Variants in NT5C1B observed in about 807,000 individuals in gnomAD.
The protein encoded by NT5C1B is cytosolic 5'-nucleotidase 1B.
In NT5C1B, 44 loss-of-function variants were observed where a neutral mutation model predicts 57.8. The ratio of observed to expected loss-of-function variants is 0.76; its 90% CI spans 0.60 to 0.98. The LOEUF (loss-of-function observed/expected upper bound fraction) is 0.98, where lower values mean the gene tolerates loss of function less well. Among genes scored for constraint, NT5C1B ranks in the 50% least tolerant of loss-of-function variants. The pLI is 0.00. For missense variants in NT5C1B, 742 were observed against 719.5 expected (o/e 1.03, Z -0.36); for synonymous variants, 284 against 282.6 (o/e 1.00, Z -0.05).
In NT5C1B at chr2:18,589,553, A is replaced by T; in HGVS notation, c.-85T>A. Reference sequence around the variant, plus strand: ...TCCTGTCACTTCCCTTGCTCAGTCTAGCTTTGCATTTAGAATGTCAAATTT... The same window carrying T: ...TCCTGTCACTTCCCTTGCTCAGTCTTGCTTTGCATTTAGAATGTCAAATTT... On this transcript the variant is annotated 5_prime_UTR_variant, in exon 1 of 9. It removes the in-frame stop codon of an upstream open reading frame in the 5' UTR. Coordinates refer to ENST00000304081, the Ensembl canonical transcript of NT5C1B. The T allele has an allele frequency of 6.3e-7, 1 of 1,597,934 alleles. No homozygotes were observed.
At chr2:18,573,619 C>T (rs1665407210) in intron 8 of NT5C1B, among the ~76,000 whole-genome samples, 2 of 152,008 alleles carry the variant, frequency 1.3e-5, no homozygotes, top group Non-Finnish European at 2.9e-5. Context: ...TCCTCTCCAG[C>T]TGTCCCATTT....
intron 8 of NT5C1B, among the ~76,000 whole-genome samples, chr2:18,566,216 C>G (rs948265116): frequency 1.3e-5 from 2 of 151,824 alleles, no homozygotes; most frequent in African/African-American, 2.4e-5. Flanking sequence ...TTTATTATTA[C>G]TTATACTGAA....
intron 2 of NT5C1B, chr2:18,586,740 T>C (rs1035366069): frequency 6.3e-6 from 4 of 632,338 alleles, no homozygotes; most frequent in Non-Finnish European, 1.1e-5. Flanking sequence ...TGTTAACAGA[T>C]GCTGAAACAA....
chr2:18,573,445 TAC>T (rs112972669), intron 8 of NT5C1B, among the ~76,000 whole-genome samples: 27,552 of 150,216 alleles, frequency 0.18, 4,926 homozygotes, highest in African/African-American at 0.47. Flanking sequence ...AAAATTCTGA[TAC>T]ACACACACAC....
intron 6 of NT5C1B, among the ~76,000 whole-genome samples, chr2:18,577,352 G>A (rs1444955036): frequency 1.4e-5 from 2 of 138,740 alleles, no homozygotes; most frequent in Non-Finnish European, 3.0e-5. Context: ...AACTGTAAAG[G>A]TCTATTAAGA....
At chr2:18,587,396 A>G (rs1666818197) in intron 2 of NT5C1B, 107 bp downstream of exon 2, 6 of 1,545,852 alleles carry the variant, frequency 3.9e-6, no homozygotes, top group Admixed American at 2.0e-5. Context: ...CCTTAATACA[A>G]TTCTCAACAG....
At chr2:18,563,716 C>T (rs561228511) in exon 9 of NT5C1B, 7 of 1,361,006 alleles carry the variant, frequency 5.1e-6, no homozygotes, top group Non-Finnish European at 6.7e-6. Flanking sequence ...TCTGAAATAC[C>T]TATCTAATTA....
chr2:18,586,015 C>T (rs1666674118), intron 3 of NT5C1B, among the ~76,000 whole-genome samples: 1 of 152,042 alleles, frequency 6.6e-6, no homozygotes, highest in Admixed American at 6.5e-5. Context: ...TCTGGAGCCC[C>T]TGGGTTTTAA....
chr2:18,566,794 C>G lies in NT5C1B; in HGVS notation c.1330-2675G>C, dbSNP rs114989779. Among the ~76,000 whole-genome samples, 1,061 of 152,258 alleles carry G rather than the reference C, an allele frequency of 7.0e-3. 12 individuals carry two copies. The highest frequency in any genetic ancestry group is 0.024 in the African/African-American group (1,015 of 41,534). ...AGCAAATACTAGGGAGAGACTGTTA[C>G]TCCCACCCTAATAACAAGAAAACTC... On this transcript the variant is annotated intron_variant, in intron 8 of 8. Coordinates refer to ENST00000304081, the Ensembl canonical transcript of NT5C1B.
intron 6 of NT5C1B, among the ~76,000 whole-genome samples, chr2:18,580,021 C>T (rs955524728): frequency 4.6e-5 from 7 of 151,828 alleles, no homozygotes; most frequent in Admixed American, 3.3e-4. Flanking sequence ...AGCCAACAAG[C>T]GTATGAAAAA....
At chr2:18,585,184 C>T (rs1311682773) in intron 3 of NT5C1B, 2 of 800,842 alleles carry the variant, frequency 2.5e-6, no homozygotes, top group Admixed American at 1.7e-5. Context: ...TGTCTGCTTT[C>T]ATTCTCCCCT....
chr2:18,568,094 A>ACC (rs1173134045), intron 8 of NT5C1B, among the ~76,000 whole-genome samples: 1 of 138,942 alleles, frequency 7.2e-6, no homozygotes, highest in African/African-American at 3.1e-5. Context: ...TGGGACACAC[A>ACC]CACACACACA....
Position 18,584,333 on chromosome 2 carries a change from TGA to T in NT5C1B, c.724-80_724-79del. ...GGGTTGGGGCTCCTCCAGGGTAGGGTGAGAGTAGGACAGCGGGCCCCTGCTTG... is the reference window on the plus strand; with the variant it reads ...GGGTTGGGGCTCCTCCAGGGTAGGGTGAGTAGGACAGCGGGCCCCTGCTTG... On this transcript the variant is annotated intron_variant, in intron 4 of 8. Coordinates refer to ENST00000304081, the Ensembl canonical transcript of NT5C1B. This position sits in a 1 kb window ranked among gnomAD's most constrained non-coding sequence, Gnocchi z 5.8. The T allele has an allele frequency of 6.4e-7, 1 of 1,571,348 alleles. No individual in the cohort carries two copies. The highest frequency in any genetic ancestry group is 1.2e-5 in the South Asian group (1 of 83,400).
rs768533500 is a variant in NT5C1B at position 18,584,962 on chromosome 2, G to C, written c.275C>G (p.Thr92Arg). The change falls in exon 4 of 9, where the codon ACG becomes AGG. Residue 92 changes from threonine (T) to arginine (R), a missense_variant. Physicochemically the swap from Thr to Arg is moderately conservative, Grantham distance 71 (BLOSUM62 -1). Coordinates refer to ENST00000304081, the Ensembl canonical transcript of NT5C1B. This position sits in a 1 kb window ranked among gnomAD's most constrained non-coding sequence, Gnocchi z 5.8. ...GGAGGTGGATGGAGTCCGGGAGCTC[G>C]TGGAGCTGCTGGGGAGCTGCAGCAA... 1 of 1,543,778 alleles carries C rather than the reference G, an allele frequency of 6.5e-7. No homozygotes were observed. The highest frequency in any genetic ancestry group is 8.7e-7 in the Non-Finnish European group (1 of 1,152,458).
chr2:18,566,472 A>G (rs1664653375), intron 8 of NT5C1B, among the ~76,000 whole-genome samples: 1 of 152,214 alleles, frequency 6.6e-6, no homozygotes, highest in Non-Finnish European at 1.5e-5. Flanking sequence ...AGGTGAAAAA[A>G]CTGGGACTGT....
At chr2:18,585,945 TCA>T (rs1401144912) in intron 3 of NT5C1B, among the ~76,000 whole-genome samples, 1 of 152,186 alleles carries the variant, frequency 6.6e-6, no homozygotes, top group Non-Finnish European at 1.5e-5. Flanking sequence ...CTTCTGAGAA[TCA>T]CAGTTAATTA....
chr2:18,570,443 T>C (rs1665047121), intron 8 of NT5C1B, among the ~76,000 whole-genome samples: 1 of 152,048 alleles, frequency 6.6e-6, no homozygotes, highest in Admixed American at 6.5e-5. Flanking sequence ...AAAAACATAT[T>C]AATAAAACAC....
Position 18,584,330 on chromosome 2 carries a change from G to A in NT5C1B, c.724-75C>T. 2.5e-6 allele frequency: 4 copies of A among 1,573,688 alleles called. No homozygotes were observed. The highest frequency in any genetic ancestry group is 3.4e-6 in the Non-Finnish European group (4 of 1,160,126). Reference sequence around the variant, plus strand: ...ACAGGGTTGGGGCTCCTCCAGGGTAGGGTGAGAGTAGGACAGCGGGCCCCT... The same window carrying A: ...ACAGGGTTGGGGCTCCTCCAGGGTAAGGTGAGAGTAGGACAGCGGGCCCCT... On this transcript the variant is annotated intron_variant, in intron 4 of 8. Transcript: ENST00000304081. The surrounding 1 kb of genome is among the most constrained non-coding windows in gnomAD (Gnocchi z 5.8).
chr2:18,585,708 G>T (rs1434825925), intron 3 of NT5C1B, among the ~76,000 whole-genome samples: 1 of 152,184 alleles, frequency 6.6e-6, no homozygotes, highest in African/African-American at 2.4e-5. Context: ...ACTCAAAAAA[G>T]CATGTTTTTG....
Sources: allele counts gnomAD v4.1 joint callset (sites outside exome capture counted in the v4.1 genomes callset), GRCh38; gene constraint gnomAD v4.1.1; non-coding constraint Gnocchi (gnomAD v3.1); transcripts MANE v1.5; gene names NCBI Gene and HGNC (gene_info 2026-07-23, HGNC 2026-07-21).